The following NALF1 variants were observed in gnomAD, a reference collection of about 807,000 sequenced individuals.
NALF1 encodes the protein NALCN channel auxiliary factor 1.
Under a neutral mutation model 48.4 loss-of-function variants are expected in NALF1, and 3 were observed. The observed-to-expected ratio is 0.06, with a 90% CI of 0.03 to 0.16. The LOEUF (loss-of-function observed/expected upper bound fraction) is 0.16, where lower values mean the gene tolerates loss of function less well. Among genes scored for constraint, NALF1 ranks in the 10% least tolerant of loss-of-function variants. NALF1 has a pLI of 1.00. For synonymous variants in NALF1, 262 were observed against 245.7 expected, an observed-to-expected ratio of 1.07 and a Z score of -0.62; for missense variants, 526 against 571.5, an observed-to-expected ratio of 0.92 and a Z score of 0.81.
chr13:107,292,340 A>G (rs1476460103), intron 1 of NALF1, among the ~76,000 whole-genome samples: 1 of 152,236 alleles, frequency 6.6e-6, no homozygotes, highest in Non-Finnish European at 1.5e-5. Flanking sequence ...TCAATGTAAA[A>G]GCCTAGGATA....
intron 1 of NALF1, among the ~76,000 whole-genome samples, chr13:107,811,588 GAT>G (rs1176668248): frequency 2.0e-5 from 3 of 152,172 alleles, no homozygotes; most frequent in Non-Finnish European, 2.9e-5. Flanking sequence ...TTGGAAAACA[GAT>G]ACTTTAAATG....
intron 1 of NALF1, among the ~76,000 whole-genome samples, chr13:107,213,444 T>C (rs1293856416): frequency 1.3e-5 from 2 of 152,134 alleles, no homozygotes; most frequent in African/African-American, 4.8e-5. Flanking sequence ...TCCTGGGCTT[T>C]GAGTGTGCAA....
intron 1 of NALF1, among the ~76,000 whole-genome samples, chr13:107,489,265 A>T (rs1465053348): frequency 1.3e-5 from 2 of 152,200 alleles, no homozygotes; most frequent in East Asian, 3.8e-4. Context: ...TTATTCACAG[A>T]ACTAGAGAAA....
chr13:107,361,925 G>A (rs1285767264), intron 1 of NALF1, among the ~76,000 whole-genome samples: 1 of 152,122 alleles, frequency 6.6e-6, no homozygotes, highest in Non-Finnish European at 1.5e-5. Context: ...GAGGCGTGAA[G>A]CATTTAAAAG....
chr13:107,594,824 G>A (rs1436472900), intron 1 of NALF1, among the ~76,000 whole-genome samples: 1 of 151,944 alleles, frequency 6.6e-6, no homozygotes, highest in East Asian at 1.9e-4. Context: ...TGACAACTCT[G>A]TTAAGCCCAG....
intron 2 of NALF1, among the ~76,000 whole-genome samples, chr13:107,187,687 G>A (rs2138781327): frequency 6.6e-6 from 1 of 152,256 alleles, no homozygotes; most frequent in Admixed American, 6.5e-5. Flanking sequence ...AATCTATCAG[G>A]TAATTCCTGG....
chr13:107,754,388 CACACACA>C (rs1877030439), intron 1 of NALF1, among the ~76,000 whole-genome samples: 2 of 146,706 alleles, frequency 1.4e-5, no homozygotes, highest in South Asian at 4.2e-4. Context: ...CACACACACA[CACACACA>C]CACCATATAT....
In NALF1 at chr13:107,866,192, C is replaced by T. The variant is rs749709340; in HGVS notation, c.405G>A (p.Pro135=). The part of the protein sequence containing the change: ...ASSSPTLPPS[P]GDGGGGGGKG... ...TGCCGCCGCCGCCGCCGCCGTCTCC[C>T]GGGGAGGGGGGCAGGGTGGGGGACG... The change falls in exon 1 of 3, where the codon CCG becomes CCA. Residue 135 remains proline, a synonymous_variant. Coordinates refer to ENST00000375915, the MANE Select transcript of NALF1 (RefSeq NM_001080396.3). The surrounding 1 kb of genome is among the most constrained non-coding windows in gnomAD (Gnocchi z 4.4). The T allele has an allele frequency of 4.4e-6, 7 of 1,602,692 alleles. No individual in the cohort carries two copies. The highest frequency in any genetic ancestry group is 4.0e-5 in the African/African-American group (3 of 74,636).
intron 1 of NALF1, among the ~76,000 whole-genome samples, chr13:107,369,592 T>A (rs1166641902): frequency 4.6e-5 from 7 of 152,104 alleles, no homozygotes; most frequent in Non-Finnish European, 1.0e-4. Context: ...TAAACAGAGC[T>A]AACATGATCA....
At chr13:107,229,510 A>T in intron 1 of NALF1, among the ~76,000 whole-genome samples, 1 of 152,164 alleles carries the variant, frequency 6.6e-6, no homozygotes, top group East Asian at 1.9e-4. Context: ...GCATCAGGGG[A>T]CGCCTTCGGC....
chr13:107,578,945 C>G (rs1194412112), intron 1 of NALF1, among the ~76,000 whole-genome samples: 1 of 152,184 alleles, frequency 6.6e-6, no homozygotes, highest in Non-Finnish European at 1.5e-5. Flanking sequence ...CATGTATAAG[C>G]CATCAGCAAG....
intron 1 of NALF1, among the ~76,000 whole-genome samples, chr13:107,293,551 C>T (rs560510643): frequency 6.6e-6 from 1 of 152,224 alleles, no homozygotes; most frequent in African/African-American, 2.4e-5. Flanking sequence ...AAAAGGCTTC[C>T]CAGAAGAAAC....
intron 1 of NALF1, among the ~76,000 whole-genome samples, chr13:107,698,172 C>T (rs779592361): frequency 9.2e-5 from 14 of 152,020 alleles, no homozygotes; most frequent in Non-Finnish European, 1.9e-4. Flanking sequence ...ATTTGTTTAA[C>T]CTGGTGATAG....
intron 1 of NALF1, among the ~76,000 whole-genome samples, chr13:107,818,000 A>AT (rs1208126565): frequency 1.3e-5 from 2 of 152,222 alleles, no homozygotes; most frequent in South Asian, 2.1e-4. Context: ...TCAAGGGGAT[A>AT]TTTGTTGGTA....
chr13:107,414,747 C>A (rs1884055635), intron 1 of NALF1, among the ~76,000 whole-genome samples: 1 of 151,808 alleles, frequency 6.6e-6, no homozygotes, highest in Non-Finnish European at 1.5e-5. Flanking sequence ...CAGATTATTT[C>A]CATAAAATTT....
intron 1 of NALF1, among the ~76,000 whole-genome samples, chr13:107,391,726 T>C (rs571629579): frequency 6.6e-6 from 1 of 152,274 alleles, no homozygotes; most frequent in Non-Finnish European, 1.5e-5. Flanking sequence ...AGAAAATGTT[T>C]AAATTTACCC....
intron 1 of NALF1, among the ~76,000 whole-genome samples, chr13:107,419,183 G>A (rs77941907): frequency 0.02 from 3,043 of 152,150 alleles, 106 homozygotes; most frequent in African/African-American, 0.068. Context: ...TCTAATTTTC[G>A]TTTGGAGATT....
chr13:107,756,567 A>G (rs1459584273), intron 1 of NALF1, among the ~76,000 whole-genome samples: 1 of 152,036 alleles, frequency 6.6e-6, no homozygotes, highest in Non-Finnish European at 1.5e-5. Flanking sequence ...CAGCTTTCGT[A>G]TTGTTACGAC....
At chr13:107,518,003 A>T (rs9520477) in intron 1 of NALF1, among the ~76,000 whole-genome samples, 2 of 152,156 alleles carry the variant, frequency 1.3e-5, no homozygotes, top group Non-Finnish European at 2.9e-5. Flanking sequence ...TTTGGAGTAC[A>T]GCAGAACATA....
Sources: allele counts gnomAD v4.1 joint callset (sites outside exome capture counted in the v4.1 genomes callset), GRCh38; gene constraint gnomAD v4.1.1; non-coding constraint Gnocchi (gnomAD v3.1); transcripts MANE v1.5; gene names NCBI Gene and HGNC (gene_info 2026-07-23, HGNC 2026-07-21).